The following CA5A variants were observed in gnomAD, a reference collection of about 807,000 sequenced individuals.
The protein encoded by CA5A is carbonic anhydrase 5A, mitochondrial.
Under a neutral mutation model 37.1 loss-of-function variants are expected in CA5A, and 28 were observed. The observed-to-expected ratio is 0.75, with a 90% CI of 0.56 to 1.03. The LOEUF (loss-of-function observed/expected upper bound fraction) is 1.03, where lower values mean the gene tolerates loss of function less well. CA5A is among the 50% of genes least tolerant of loss of function. The probability of loss-of-function intolerance (pLI) is 0.00; values close to 1 mark genes in which losing one functional copy is unlikely to be tolerated. For synonymous variants in CA5A, 171 were observed against 158.4 expected (o/e 1.08, Z -0.60); for missense variants, 444 against 399.9 (o/e 1.11, Z -0.94).
intron 2 of CA5A, among the ~76,000 whole-genome samples, chr16:87,910,068 G>A (rs201198557): frequency 1.3e-5 from 2 of 150,162 alleles, no homozygotes; most frequent in African/African-American, 2.4e-5. Flanking sequence ...AACGCTTGAC[G>A]TAAAGGAAGC....
At chr16:87,936,171 T>TAAAAAAAA in intron 1 of CA5A, 138 bp downstream of exon 1, 3 of 435,354 alleles carry the variant, frequency 6.9e-6, no homozygotes, top group Non-Finnish European at 8.1e-6. Context: ...GACGCCATCT[T>TAAAAAAAA]AAAAAAAAAA....
At chr16:87,929,675 A>G (rs147753023) in intron 1 of CA5A, among the ~76,000 whole-genome samples, 11,872 of 151,578 alleles carry the variant, frequency 0.078, 647 homozygotes, top group South Asian at 0.25. Flanking sequence ...GATCGAGACC[A>G]TCCTGGCTAA....
At position 87,914,683 on chromosome 16, in the gene CA5A, G is replaced by A. The variant is rs185999311; in HGVS notation, c.341-9779C>T. On this transcript the variant is annotated intron_variant, in intron 2 of 6. Coordinates refer to ENST00000649794, the MANE Select transcript of CA5A (RefSeq NM_001739.2). ...TGGCACAGCAACACGAGGGAACCAC[G>A]GAGAGCAGGAGGGAGGACGTGGGGG... Among the ~76,000 whole-genome samples the A allele has an allele frequency of 4.0e-3, 608 of 152,210 alleles. 4 individuals carry two copies. Among genetic ancestry groups the A allele is most frequent in the Non-Finnish European group, 6.0e-3 (410 of 67,986 alleles).
At chr16:87,920,967 A>AT (rs1343522439) in intron 2 of CA5A, among the ~76,000 whole-genome samples, 1 of 149,406 alleles carries the variant, frequency 6.7e-6, no homozygotes, top group Non-Finnish European at 1.5e-5. Context: ...CTACTTTTGT[A>AT]TTTTTTGTAG....
chr16:87,934,055 C>G (rs1405407738), intron 1 of CA5A, among the ~76,000 whole-genome samples: 1 of 152,244 alleles, frequency 6.6e-6, no homozygotes, highest in Non-Finnish European at 1.5e-5. Flanking sequence ...CTGCTGCCCA[C>G]TGACAGGGAA....
chr16:87,900,238 C>T (rs2055859815), intron 5 of CA5A, among the ~76,000 whole-genome samples: 1 of 152,206 alleles, frequency 6.6e-6, no homozygotes, highest in African/African-American at 2.4e-5. Context: ...AAAACAACCC[C>T]TGCCCAGGTT....
At chr16:87,921,324 G>C (rs894887893) in intron 2 of CA5A, among the ~76,000 whole-genome samples, 22 of 152,180 alleles carry the variant, frequency 1.4e-4, no homozygotes, top group African/African-American at 5.3e-4. Context: ...GGGTTGACTT[G>C]GCTTCAGGTA....
In CA5A at chr16:87,913,592, C is replaced by T. The variant is rs371337120; in HGVS notation, c.341-8688G>A. Among the ~76,000 whole-genome samples the T allele has an allele frequency of 6.6e-5, 10 of 152,238 alleles. No individual in the cohort carries two copies. In the East Asian group the frequency reaches 1.5e-3, roughly 23 times the overall value. On this transcript the variant is annotated intron_variant, in intron 2 of 6. Coordinates refer to ENST00000649794, the MANE Select transcript of CA5A (RefSeq NM_001739.2). ...GCATTCCTCTTCCGTGGGCCTCCAC[C>T]GTAGCTCCTTTGAAATCTCTGCTCT... is the stretch of plus-strand genomic sequence containing the variant.
At chr16:87,903,039 G>C (rs185298245) in intron 3 of CA5A, among the ~76,000 whole-genome samples, 3 of 152,104 alleles carry the variant, frequency 2.0e-5, no homozygotes, top group East Asian at 1.9e-4. Context: ...TTCCTGGTGG[G>C]GGGGGAAAGG....
intron 1 of CA5A, among the ~76,000 whole-genome samples, chr16:87,935,483 G>A (rs755307023): frequency 1.1e-4 from 17 of 152,302 alleles, no homozygotes; most frequent in Middle Eastern, 3.4e-3. Context: ...AGTGTGTCCC[G>A]TGCGAACACG....
intron 1 of CA5A, among the ~76,000 whole-genome samples, chr16:87,928,314 C>G (rs1257638013): frequency 1.3e-5 from 2 of 152,296 alleles, no homozygotes; most frequent in East Asian, 3.9e-4. Context: ...CAGGTAAACA[C>G]CACCATGCCT....
At chr16:87,924,890 C>T (rs1302829973) in intron 2 of CA5A, among the ~76,000 whole-genome samples, 1 of 152,192 alleles carries the variant, frequency 6.6e-6, no homozygotes, top group Non-Finnish European at 1.5e-5. Context: ...TGAGTGCCGG[C>T]CTGGGGTGGC....
intron 3 of CA5A, among the ~76,000 whole-genome samples, chr16:87,902,932 C>G (rs1261354885): frequency 6.7e-6 from 1 of 148,876 alleles, no homozygotes; most frequent in Non-Finnish European, 1.5e-5. Flanking sequence ...AAAAAAAGAA[C>G]TAAGTTGTTG....
chr16:87,934,331 G>A lies in CA5A; in HGVS notation c.142+1978C>T, dbSNP rs146641503. The stretch of plus-strand genomic sequence containing the variant: ...CGCCTGCAATCCCAGCACTTTGGGA[G>A]GCTGAGGCGGGCAGATCACCTGAGG... On this transcript the variant is annotated intron_variant, in intron 1 of 6. Transcript: ENST00000649794. Among the ~76,000 whole-genome samples the A allele has an allele frequency of 4.2e-4, 64 of 152,386 alleles. 1 individual carries two copies. The highest frequency in any genetic ancestry group is 1.5e-3 in the African/African-American group (64 of 41,594).
intron 1 of CA5A, among the ~76,000 whole-genome samples, chr16:87,930,160 C>G (rs72816351): frequency 0.065 from 9,909 of 152,204 alleles, 437 homozygotes; most frequent in Admixed American, 0.095. Context: ...AGAATCTCAG[C>G]AGGGGGTTGG....
At chr16:87,902,351 T>G in intron 4 of CA5A, 74 bp downstream of exon 4, 5 of 793,000 alleles carry the variant, frequency 6.3e-6, no homozygotes, top group South Asian at 6.1e-5. Context: ...GAGTCCTGTC[T>G]CAAAAAAAAA....
At chr16:87,923,128 G>A (rs1470434744) in intron 2 of CA5A, among the ~76,000 whole-genome samples, 2 of 152,228 alleles carry the variant, frequency 1.3e-5, no homozygotes, top group African/African-American at 4.8e-5. Flanking sequence ...TACGTAAAAT[G>A]AGGGTCCCGC....
chr16:87,882,709 C>T (rs1428186216), intron 4 of CA5A: 5 of 152,394 alleles, frequency 3.3e-5, no homozygotes, highest in East Asian at 1.9e-4. Flanking sequence ...GCGAGGCAGC[C>T]GTACACCCTG....
At chr16:87,907,389 C>T (rs2055979795) in intron 2 of CA5A, among the ~76,000 whole-genome samples, 1 of 152,176 alleles carries the variant, frequency 6.6e-6, no homozygotes, top group African/African-American at 2.4e-5. Flanking sequence ...CATCAAAGTG[C>T]ATTGATGGGT....
Sources: gnomAD v4.1 joint callset for allele counts (sites outside exome capture counted in the v4.1 genomes callset) on GRCh38, gnomAD v4.1.1 for gene constraint, MANE v1.5 for transcripts, NCBI Gene and HGNC (gene_info 2026-07-23, HGNC 2026-07-21) for gene names.